DAB1: variants seen among roughly 807,000 people sequenced by gnomAD.
DAB1 encodes the protein disabled homolog 1.
In DAB1, 15 loss-of-function variants were observed where a neutral mutation model predicts 64.6. That is an observed-to-expected ratio of 0.23 (90% CI 0.16 to 0.36). The LOEUF is 0.36. Among genes scored for constraint, DAB1 ranks in the 10% least tolerant of loss-of-function variants. The pLI is 1.00. For missense variants in DAB1, 596 were observed against 706.7 expected (o/e 0.84, Z 1.78); for synonymous variants, 235 against 251.9 (o/e 0.93, Z 0.64).
chr1:58,415,778 C>T (rs987542107), intron 3 of DAB1, among the ~76,000 whole-genome samples: 1 of 152,178 alleles, frequency 6.6e-6, no homozygotes, highest in Non-Finnish European at 1.5e-5. Flanking sequence ...ATTGCAGGGG[C>T]CCTGCTGCCT....
intron 3 of DAB1, among the ~76,000 whole-genome samples, chr1:58,344,051 A>C (rs17117387): frequency 0.011 from 1,709 of 152,262 alleles, 46 homozygotes; most frequent in East Asian, 0.059. Flanking sequence ...AGACATTTTC[A>C]TGAAGAGGCT....
intron 7 of DAB1, among the ~76,000 whole-genome samples, chr1:57,459,163 TATGAC>T (rs1686698262): frequency 6.6e-6 from 1 of 152,170 alleles, no homozygotes; most frequent in South Asian, 2.1e-4. Context: ...TTTCAACACT[TATGAC>T]ATAATTTATC....
chr1:57,766,621 T>C (rs947977192), intron 6 of DAB1, among the ~76,000 whole-genome samples: 1 of 152,170 alleles, frequency 6.6e-6, no homozygotes, highest in Non-Finnish European at 1.5e-5. Flanking sequence ...TGGCACCAAA[T>C]GTATGGGTGT....
At chr1:57,173,519 C>A (rs1048894727) in intron 2 of DAB1, among the ~76,000 whole-genome samples, 8 of 152,126 alleles carry the variant, frequency 5.3e-5, no homozygotes, top group Non-Finnish European at 1.0e-4. Flanking sequence ...TATGTATATG[C>A]AAATATTCCA....
At chr1:58,174,329 T>TA (rs1243416015) in intron 4 of DAB1, among the ~76,000 whole-genome samples, 3 of 152,210 alleles carry the variant, frequency 2.0e-5, no homozygotes, top group African/African-American at 7.2e-5. Context: ...TTGGGCCCTG[T>TA]ATTTTTAACC....
At chr1:57,483,900 T>G (rs1416636978) in intron 7 of DAB1, among the ~76,000 whole-genome samples, 1 of 152,156 alleles carries the variant, frequency 6.6e-6, no homozygotes, top group South Asian at 2.1e-4. Flanking sequence ...TCCCTGCCCT[T>G]ATGCAGCATA....
rs3754266 is a variant in DAB1 at position 57,025,304 on chromosome 1, T to C, written c.786+677A>G. The stretch of plus-strand genomic sequence containing the variant: ...CTGTTTTCTTCTTTTCGTTTTCAAA[T>C]TAGGTTCTCCCTGCAATCTCTGTCC... On this transcript the variant is annotated intron_variant, in intron 10 of 14. Transcript: ENST00000371236. Among the ~76,000 whole-genome samples, 32 of 152,316 alleles carry C rather than the reference T, an allele frequency of 2.1e-4. 1 individual carries two copies. The East Asian group carries it at 5.8e-3, about 28-fold the overall frequency.
In DAB1 at chr1:57,261,860, C is replaced by T. The variant is rs552096847; in HGVS notation, c.67+29104G>A. On this transcript the variant is annotated intron_variant, in intron 2 of 14. Transcript: ENST00000371236. ...AAAAATACTTTTCCAAGATGAAGTG[C>T]GGTAAAAAATGTCATTGCTATTATG... Among the ~76,000 whole-genome samples the T allele has an allele frequency of 3.4e-4, 51 of 152,200 alleles. 1 individual carries two copies. In the South Asian group the frequency reaches 7.7e-3, roughly 23 times the overall value.
intron 3 of DAB1, among the ~76,000 whole-genome samples, chr1:58,486,551 A>G (rs1199764533): frequency 6.6e-6 from 1 of 152,196 alleles, no homozygotes; most frequent in Non-Finnish European, 1.5e-5. Context: ...CATTTAACTA[A>G]TATTCACTAA....
At chr1:58,295,639 G>C (rs1391776758) in intron 4 of DAB1, among the ~76,000 whole-genome samples, 1 of 152,142 alleles carries the variant, frequency 6.6e-6, no homozygotes, top group Non-Finnish European at 1.5e-5. Flanking sequence ...GAGTAGATGA[G>C]AGATTTTTTT....
intron 6 of DAB1, among the ~76,000 whole-genome samples, chr1:57,700,814 A>C (rs1021621207): frequency 2.0e-5 from 3 of 152,092 alleles, no homozygotes; most frequent in Non-Finnish European, 4.4e-5. Context: ...CTTGAACACC[A>C]GTGATTCTTA....
rs994352444 is a variant in DAB1 at position 58,239,990 on chromosome 1, G to A, written n.310-89402C>T. 3.3e-5 allele frequency among the ~76,000 whole-genome samples: 5 copies of A among 152,280 alleles called. No homozygotes were observed. In the South Asian group the frequency reaches 1.0e-3, roughly 32 times the overall value. Reference sequence around the variant, plus strand: ...CATTAAATGTAAAGTTGTCTTTGCTGAGTAACTATTTTACACTCCACACAA... The same window carrying A: ...CATTAAATGTAAAGTTGTCTTTGCTAAGTAACTATTTTACACTCCACACAA... On this transcript the variant is annotated intron_variant and non_coding_transcript_variant, in intron 4 of 20. Coordinates refer to the DAB1 transcript ENST00000485760.
At chr1:58,420,142 C>A (rs1337455839) in intron 3 of DAB1, among the ~76,000 whole-genome samples, 1 of 152,208 alleles carries the variant, frequency 6.6e-6, no homozygotes, top group East Asian at 1.9e-4. Context: ...TCTAAGACAT[C>A]TTCCACTTTT....
chr1:57,655,242 C>T (rs1646303129), intron 6 of DAB1, among the ~76,000 whole-genome samples: 1 of 152,094 alleles, frequency 6.6e-6, no homozygotes, highest in Non-Finnish European at 1.5e-5. Context: ...TCCATCCATC[C>T]ATTCATCCGT....
chr1:57,522,509 A>G (rs553818644), intron 7 of DAB1, among the ~76,000 whole-genome samples: 1 of 152,282 alleles, frequency 6.6e-6, no homozygotes, highest in South Asian at 2.1e-4. Flanking sequence ...GGTAATTTAT[A>G]AAGAAAGAGG....
At chr1:58,170,278 T>C (rs999349789) in intron 4 of DAB1, among the ~76,000 whole-genome samples, 17 of 152,152 alleles carry the variant, frequency 1.1e-4, no homozygotes, top group Non-Finnish European at 2.5e-4. Flanking sequence ...GCCCAAGAAT[T>C]ATTCAATGAT....
At chr1:57,021,762 C>T (rs956190094) in intron 11 of DAB1, among the ~76,000 whole-genome samples, 4 of 152,148 alleles carry the variant, frequency 2.6e-5, no homozygotes, top group African/African-American at 4.8e-5. Context: ...TATAAAATTG[C>T]ATCTAGTCCC....
chr1:57,793,032 G>C (rs1421878952), intron 6 of DAB1, among the ~76,000 whole-genome samples: 1 of 152,176 alleles, frequency 6.6e-6, no homozygotes, highest in Admixed American at 6.5e-5. Context: ...TCCAAGTGGG[G>C]AAAAGTCTTA....
chr1:58,192,632 C>T (rs150343925), intron 4 of DAB1, among the ~76,000 whole-genome samples: 99 of 151,878 alleles, frequency 6.5e-4, no homozygotes, highest in Non-Finnish European at 1.2e-3. Flanking sequence ...TCCATGTGTG[C>T]GTGTGTGTAT....
Sources: gnomAD v4.1 joint callset for allele counts (sites outside exome capture counted in the v4.1 genomes callset) on GRCh38, gnomAD v4.1.1 for gene constraint, MANE v1.5 for transcripts, NCBI Gene and HGNC (gene_info 2026-07-23, HGNC 2026-07-21) for gene names.